The following FHOD3 variants were observed in gnomAD, a reference collection of about 807,000 sequenced individuals.
The protein encoded by FHOD3 is FH1/FH2 domain-containing protein 3.
In FHOD3, 90 loss-of-function variants were observed where a neutral mutation model predicts 173.0. The observed-to-expected ratio is 0.52, with a 90% CI of 0.44 to 0.62. FHOD3 has a LOEUF of 0.62. Among genes scored for constraint, FHOD3 ranks in the 20% least tolerant of loss-of-function variants. The probability of loss-of-function intolerance (pLI) is 0.00; values close to 1 mark genes in which losing one functional copy is unlikely to be tolerated. For missense variants in FHOD3, 1,945 were observed against 2,034.7 expected (o/e 0.96, Z 0.85); for synonymous variants, 828 against 823.0 (o/e 1.01, Z -0.10).
intron 20 of FHOD3, among the ~76,000 whole-genome samples, chr18:36,738,504 A>AT (rs1005568673): frequency 6.6e-6 from 1 of 152,142 alleles, no homozygotes; most frequent in Non-Finnish European, 1.5e-5. Flanking sequence ...ATGTCTAAGA[A>AT]TTTTTTGCCT....
intron 10 of FHOD3, among the ~76,000 whole-genome samples, chr18:36,642,831 C>T (rs913846923): frequency 3.9e-5 from 6 of 152,008 alleles, no homozygotes; most frequent in Non-Finnish European, 7.4e-5. Context: ...GCCTGGGTAA[C>T]CAATACTTAA....
At chr18:36,333,942 T>A (rs574161042) in intron 1 of FHOD3, among the ~76,000 whole-genome samples, 51 of 152,342 alleles carry the variant, frequency 3.3e-4, no homozygotes, top group Middle Eastern at 3.4e-3. Flanking sequence ...CCCTGTATTC[T>A]CCATGTGTAC....
rs535226592 is a variant in FHOD3, at chr18:36,333,126, T to A, written c.166-22413T>A. ...ACTGCACCCACCAGCCTTGGTTCCC[T>A]GGAGCAGTGGAGTTGATGGTGCCTC... On this transcript the variant is annotated intron_variant, in intron 1 of 28. Coordinates refer to ENST00000590592, the MANE Select transcript of FHOD3 (RefSeq NM_001281740.3). Among the ~76,000 whole-genome samples, 45 of 152,380 alleles carry A rather than the reference T, an allele frequency of 3.0e-4. 1 individual carries two copies. Among genetic ancestry groups the A allele is most frequent in the African/African-American group, 1.1e-3 (44 of 41,590 alleles).
At chr18:36,502,557 C>T (rs1268062016) in intron 4 of FHOD3, among the ~76,000 whole-genome samples, 1 of 152,180 alleles carries the variant, frequency 6.6e-6, no homozygotes, top group Non-Finnish European at 1.5e-5. Context: ...ATCCATGTCC[C>T]TGCAAAGGAC....
rs1345457281 is a variant in FHOD3 at position 36,372,683 on chromosome 18, G to A, written c.276G>A (p.Arg92=). Residue 92 remains arginine (R), a synonymous_variant, in exon 3 of 29, where the codon CGG becomes CGA. Transcript: ENST00000590592. ...ELEGFQDDAG[R]GKKHSIILRT... ...GTTTTGTCTCCTGTCTCGTTAGGCGGGGCAAGAAGCACAGCATCATCCTAA... is the reference window on the plus strand; with the variant it reads ...GTTTTGTCTCCTGTCTCGTTAGGCGAGGCAAGAAGCACAGCATCATCCTAA... The A allele has an allele frequency of 3.1e-6, 5 of 1,613,780 alleles. No individual in the cohort carries two copies. The highest frequency in any genetic ancestry group is 3.4e-6 in the Non-Finnish European group (4 of 1,179,906).
chr18:36,352,495 C>T (rs924488030), intron 1 of FHOD3, among the ~76,000 whole-genome samples: 1 of 152,136 alleles, frequency 6.6e-6, no homozygotes, highest in African/African-American at 2.4e-5. Context: ...CCATGCTCAG[C>T]GACTGTGCAT....
At chr18:36,742,595 T>A (rs2041956287) in intron 21 of FHOD3, 142 bp from the exon 22 acceptor site, 1 of 904,812 alleles carries the variant, frequency 1.1e-6, no homozygotes, top group Admixed American at 2.4e-5. Flanking sequence ...CACGTTTCCA[T>A]ACCTAGGAGC....
chr18:36,546,830 G>A, intron 5 of FHOD3, among the ~76,000 whole-genome samples: 1 of 152,158 alleles, frequency 6.6e-6, no homozygotes, highest in Admixed American at 6.5e-5. Flanking sequence ...GTAACACAGA[G>A]CACTCACTTC....
At chr18:36,619,268 C>A (rs1023207663) in intron 9 of FHOD3, among the ~76,000 whole-genome samples, 1 of 152,166 alleles carries the variant, frequency 6.6e-6, no homozygotes, top group Admixed American at 6.5e-5. Flanking sequence ...GTGCAGAGGA[C>A]TTAGGACATG....
At chr18:36,560,074 G>A (rs913898453) in intron 5 of FHOD3, among the ~76,000 whole-genome samples, 24 of 152,148 alleles carry the variant, frequency 1.6e-4, no homozygotes, top group African/African-American at 4.8e-4. Flanking sequence ...TTCAGGAACC[G>A]TCCTTGGGCA....
chr18:36,560,910 C>T (rs1162611952), intron 5 of FHOD3, among the ~76,000 whole-genome samples: 1 of 150,578 alleles, frequency 6.6e-6, no homozygotes, highest in African/African-American at 2.4e-5. Context: ...GTTTGTCAAC[C>T]TTCTGTTCAG....
At chr18:36,416,506 A>G (rs751664648) in intron 3 of FHOD3, among the ~76,000 whole-genome samples, 2 of 152,224 alleles carry the variant, frequency 1.3e-5, no homozygotes, top group Non-Finnish European at 2.9e-5. Flanking sequence ...TGATCTGCTC[A>G]TTAGCACACC....
chr18:36,613,291 C>A (rs1045281785), intron 9 of FHOD3, among the ~76,000 whole-genome samples: 3 of 152,248 alleles, frequency 2.0e-5, no homozygotes, highest in African/African-American at 4.8e-5. Flanking sequence ...GGTCACTCAC[C>A]CGTGACGCCG....
intron 2 of FHOD3, among the ~76,000 whole-genome samples, chr18:36,371,772 A>G (rs926697247): frequency 2.0e-5 from 3 of 152,100 alleles, no homozygotes; most frequent in African/African-American, 7.3e-5. Context: ...GCAGGAAAGC[A>G]CTGCCAGATT....
intron 3 of FHOD3, among the ~76,000 whole-genome samples, chr18:36,430,730 G>T (rs541350633): frequency 5.3e-5 from 8 of 152,316 alleles, no homozygotes; most frequent in African/African-American, 1.9e-4. Flanking sequence ...TCATATTGGG[G>T]ATAATATTGG....
At chr18:36,509,333 A>AG (rs1263879135) in intron 4 of FHOD3, among the ~76,000 whole-genome samples, 2 of 150,476 alleles carry the variant, frequency 1.3e-5, no homozygotes, top group Non-Finnish European at 2.9e-5. Context: ...AGGCTGAGTC[A>AG]GGAGAATGGC....
At position 36,549,645 on chromosome 18, in the gene FHOD3, C is replaced by T. The variant is rs577227756; in HGVS notation, c.512-26806C>T. On this transcript the variant is annotated intron_variant, in intron 5 of 28. Transcript: ENST00000590592. ...CTCTGCCTCCCAGGTTCATGCCATT[C>T]TCCTGCCTCAGCCTCCCAAGGAGCT... Among the ~76,000 whole-genome samples, 5 of 141,380 alleles carry T rather than the reference C, an allele frequency of 3.5e-5. No individual in the cohort carries two copies. In the East Asian group the frequency reaches 1.1e-3, roughly 31 times the overall value. 92.8% of individuals were successfully genotyped at this position (141,380 alleles called of 152,430 possible).
At chr18:36,730,381 A>G (rs2041296381) in intron 19 of FHOD3, among the ~76,000 whole-genome samples, 1 of 152,140 alleles carries the variant, frequency 6.6e-6, no homozygotes, top group Non-Finnish European at 1.5e-5. Context: ...TTCTTGCAAA[A>G]TATCACATTT....
At chr18:36,600,210 T>G (rs2031145080) in intron 7 of FHOD3, among the ~76,000 whole-genome samples, 1 of 150,920 alleles carries the variant, frequency 6.6e-6, no homozygotes, top group Non-Finnish European at 1.5e-5. Context: ...AGGGCTAGCA[T>G]TATATGGTTT....
Sources: allele counts gnomAD v4.1 joint callset (sites outside exome capture counted in the v4.1 genomes callset), GRCh38; gene constraint gnomAD v4.1.1; transcripts MANE v1.5; gene names NCBI Gene and HGNC (gene_info 2026-07-23, HGNC 2026-07-21).